Variants in XRCC4 observed in about 807,000 individuals in gnomAD.
XRCC4 encodes X-ray repair cross complementing 4, also known as DNA repair protein XRCC4.
A neutral mutation model predicts 39.1 loss-of-function variants in XRCC4; 28 were observed. The ratio of observed to expected loss-of-function variants is 0.72; its 90% CI spans 0.53 to 0.98. The LOEUF is 0.98. XRCC4 is among the 50% of genes least tolerant of loss of function. The pLI is 0.00. For missense variants in XRCC4, 350 were observed against 376.4 expected, an observed-to-expected ratio of 0.93 and a Z score of 0.58; for synonymous variants, 123 against 126.4, an observed-to-expected ratio of 0.97 and a Z score of 0.18.
rs1420195019 is a variant in XRCC4, at chr5:83,272,358, T to C, written c.893+13681T>C. Among the ~76,000 whole-genome samples the C allele has an allele frequency of 5.3e-5, 8 of 152,196 alleles. No homozygotes were observed. In the South Asian group the frequency reaches 1.0e-3, roughly 20 times the overall value. ...GTGGTCTTTACAGAGAATAATGGGATACTACACTTCTGTTAGTGTGGGGTG... is the reference window on the plus strand; with the variant it reads ...GTGGTCTTTACAGAGAATAATGGGACACTACACTTCTGTTAGTGTGGGGTG... On this transcript the variant is annotated intron_variant, in intron 7 of 7. Coordinates refer to ENST00000396027, the MANE Select transcript of XRCC4 (RefSeq NM_003401.5).
chr5:83,289,225 AC>A (rs1754832818), intron 7 of XRCC4, among the ~76,000 whole-genome samples: 1 of 151,904 alleles, frequency 6.6e-6, no homozygotes, highest in Admixed American at 6.6e-5. Flanking sequence ...TAATTACTTT[AC>A]CGTGTCTGAT....
intron 1 of XRCC4, among the ~76,000 whole-genome samples, chr5:83,078,814 A>G (rs1446616687): frequency 6.6e-6 from 1 of 152,208 alleles, no homozygotes; most frequent in Non-Finnish European, 1.5e-5. Context: ...GAGGGGAATA[A>G]GAAAGGTATT....
chr5:83,241,509 A>G (rs1364251625), intron 6 of XRCC4, among the ~76,000 whole-genome samples: 1 of 152,120 alleles, frequency 6.6e-6, no homozygotes, highest in Non-Finnish European at 1.5e-5. Context: ...CGTTTGAGGA[A>G]AAAAGTCCAC....
At chr5:83,329,589 A>T (rs1047721855) in intron 7 of XRCC4, among the ~76,000 whole-genome samples, 1 of 152,140 alleles carries the variant, frequency 6.6e-6, no homozygotes. Context: ...GTAGAAAAGC[A>T]TGGTAACCTT....
the XRCC4 span, among the ~76,000 whole-genome samples, chr5:83,371,819 G>A: frequency 0.049 from 7,444 of 152,178 alleles, 325 homozygotes; most frequent in East Asian, 0.13. Flanking sequence ...TAAGAAGGTC[G>A]GAATTATCCT....
intron 3 of XRCC4, among the ~76,000 whole-genome samples, chr5:83,177,367 G>A (rs938608351): frequency 4.6e-5 from 7 of 150,924 alleles, no homozygotes; most frequent in Non-Finnish European, 7.4e-5. Flanking sequence ...AATTGATTAC[G>A]TTGCTCCCAA....
intron 1 of XRCC4, among the ~76,000 whole-genome samples, chr5:83,083,125 T>A (rs1412912219): frequency 6.6e-6 from 1 of 152,154 alleles, no homozygotes; most frequent in African/African-American, 2.4e-5. Flanking sequence ...CCCCTACCCC[T>A]ATCTCCTCCA....
intron 3 of XRCC4, among the ~76,000 whole-genome samples, chr5:83,123,888 A>AT (rs373364167): frequency 1.8e-5 from 2 of 110,906 alleles, no homozygotes; most frequent in Non-Finnish European, 3.8e-5. Flanking sequence ...TGTTACATTG[A>AT]TTTTTTTTAC....
chr5:83,311,419 C>T (rs1335442836), intron 7 of XRCC4, among the ~76,000 whole-genome samples: 2 of 151,948 alleles, frequency 1.3e-5, no homozygotes, highest in Non-Finnish European at 2.9e-5. Context: ...TCTAAATTAC[C>T]CTAATTTGAT....
intron 6 of XRCC4, among the ~76,000 whole-genome samples, chr5:83,229,964 G>A (rs1169801931): frequency 1.3e-5 from 2 of 151,772 alleles, no homozygotes; most frequent in Non-Finnish European, 2.9e-5. Context: ...AATTAATTTT[G>A]TTGATATTAA....
intron 3 of XRCC4, among the ~76,000 whole-genome samples, chr5:83,181,948 A>G (rs1465117433): frequency 2.0e-5 from 3 of 151,584 alleles, no homozygotes; most frequent in Admixed American, 2.0e-4. Flanking sequence ...CAATATGGCA[A>G]TTCTGGGAGA....
chr5:83,198,683 T>G (rs76007877), intron 4 of XRCC4, among the ~76,000 whole-genome samples: 2,415 of 152,248 alleles, frequency 0.016, 38 homozygotes, highest in East Asian at 0.071. Flanking sequence ...GGGATGATGG[T>G]GGAGAATAAA....
chr5:83,144,267 CTGTGTGTGTGTGTGTGTGTGTG>C (rs56769195), intron 3 of XRCC4, among the ~76,000 whole-genome samples: 7 of 140,044 alleles, frequency 5.0e-5, no homozygotes, highest in African/African-American at 1.8e-4. Context: ...TAATATTCCT[CTGTGTGTGTGTGTGTGTGTGTG>C]TGTGTGTGTG....
intron 3 of XRCC4, among the ~76,000 whole-genome samples, chr5:83,178,266 A>T (rs1220370434): frequency 6.6e-6 from 1 of 152,136 alleles, no homozygotes. Flanking sequence ...GCTAGTAGAA[A>T]GCTTAGTGTA....
At chr5:83,273,890 G>T (rs2112935267) in intron 7 of XRCC4, among the ~76,000 whole-genome samples, 1 of 151,984 alleles carries the variant, frequency 6.6e-6, no homozygotes, top group Middle Eastern at 3.4e-3. Flanking sequence ...GTATTGTCTT[G>T]GCTATATGGG....
chr5:83,256,117 A>G (rs1753529348), intron 6 of XRCC4, among the ~76,000 whole-genome samples: 1 of 152,188 alleles, frequency 6.6e-6, no homozygotes, highest in African/African-American at 2.4e-5. Context: ...GTCATCAGTT[A>G]TTGATTGAAA....
intron 6 of XRCC4, among the ~76,000 whole-genome samples, chr5:83,237,686 T>C (rs1260436903): frequency 6.6e-6 from 1 of 152,076 alleles, no homozygotes; most frequent in East Asian, 1.9e-4. Context: ...TAAACTGTAG[T>C]TAGGAATGTA....
intron 7 of XRCC4, among the ~76,000 whole-genome samples, chr5:83,297,589 G>C (rs1174668753): frequency 6.6e-6 from 1 of 151,806 alleles, no homozygotes; most frequent in Non-Finnish European, 1.5e-5. Flanking sequence ...TTGGAGCTTG[G>C]TCGTGAAGAA....
At chr5:83,320,762 T>C (rs1756040338) in intron 7 of XRCC4, among the ~76,000 whole-genome samples, 1 of 151,976 alleles carries the variant, frequency 6.6e-6, no homozygotes, top group Middle Eastern at 3.4e-3. Context: ...AGATGATTAT[T>C]AGCATTTTTT....
Sources: gnomAD v4.1 joint callset for allele counts (sites outside exome capture counted in the v4.1 genomes callset) on GRCh38, gnomAD v4.1.1 for gene constraint, MANE v1.5 for transcripts, NCBI Gene and HGNC (gene_info 2026-07-23, HGNC 2026-07-21) for gene names.